The following PIK3C2A variants were observed in gnomAD, a reference collection of about 807,000 sequenced individuals.
PIK3C2A encodes phosphatidylinositol-4-phosphate 3-kinase catalytic subunit type 2 alpha.
A neutral mutation model predicts 204.5 loss-of-function variants in PIK3C2A; 97 were observed. That is an observed-to-expected ratio of 0.47 (90% confidence interval 0.40 to 0.56). PIK3C2A has a LOEUF of 0.56. Ranked by LOEUF, PIK3C2A falls within the 20% of genes least tolerant of loss-of-function variation. PIK3C2A has a pLI of 0.00. For synonymous variants in PIK3C2A, 653 were observed against 664.4 expected (o/e 0.98, Z 0.26); for missense variants, 1,735 against 1,969.2 (o/e 0.88, Z 2.25).
In PIK3C2A at chr11:17,091,371, A is replaced by T; in HGVS notation, c.4841T>A (p.Ile1614Asn). ...TGTCGGATTCCTCGTTTTTCGTGAAATTTTGGTTTTACGTTTGGATGTTTT... is the reference window on the plus strand; with the variant it reads ...TGTCGGATTCCTCGTTTTTCGTGAATTTTTGGTTTTACGTTTGGATGTTTT... ...NHKTSKRKTK[I>N]SRKTRNPTFN... Residue 1614 changes from isoleucine to asparagine, a missense_variant, in exon 32 of 33, where the codon ATT (isoleucine) becomes AAT (asparagine). Physicochemically the swap from Ile to Asn is moderately radical, Grantham distance 149. This residue lies in a region of PIK3C2A where 503 missense variants were observed against 669.0 expected (regional missense o/e 0.75). Coordinates refer to ENST00000691414, the MANE Select transcript of PIK3C2A (RefSeq NM_002645.4). 1 of 1,613,720 alleles carries T rather than the reference A, an allele frequency of 6.2e-7. No individual in the cohort carries two copies. Among genetic ancestry groups the T allele is most frequent in the Non-Finnish European group, 8.5e-7 (1 of 1,179,812 alleles).
intron 22 of PIK3C2A, among the ~76,000 whole-genome samples, chr11:17,106,755 T>C (rs1220620724): frequency 6.6e-6 from 1 of 152,164 alleles, no homozygotes; most frequent in East Asian, 1.9e-4. Flanking sequence ...AAAACTATTT[T>C]AATTACAAAC....
chr11:17,176,287 G>A (rs1255945394), intron 1 of PIK3C2A, among the ~76,000 whole-genome samples: 5 of 151,922 alleles, frequency 3.3e-5, no homozygotes, highest in Admixed American at 3.3e-4. Flanking sequence ...GATTACAGGT[G>A]TGAGCCACTG....
At chr11:17,141,261 CTCT>C (rs1170619009) in intron 8 of PIK3C2A, 2 of 148,784 alleles carry the variant, frequency 1.3e-5, no homozygotes, top group Admixed American at 1.4e-4. Context: ...TTGCTTTCTG[CTCT>C]TCTTTTCTTT....
At chr11:17,183,136 G>A (rs2096895541) in intron 1 of PIK3C2A, among the ~76,000 whole-genome samples, 2 of 152,038 alleles carry the variant, frequency 1.3e-5, no homozygotes, top group South Asian at 4.1e-4. Context: ...GAGTCACCAC[G>A]CTCTGCCTCA....
In PIK3C2A at chr11:17,147,551, G is replaced by A. The variant is rs751588184; in HGVS notation, c.1526C>T (p.Thr509Ile). 1.2e-6 allele frequency: 2 copies of A among 1,611,044 alleles called. No individual in the cohort carries two copies. Among genetic ancestry groups the A allele is most frequent in the South Asian group, 2.2e-5 (2 of 91,012 alleles). Reference protein sequence around the residue: ...WDTEIRLQLLTFSAMCQNLAR... With the variant: ...WDTEIRLQLLIFSAMCQNLAR... ...CAGATTTTGACACATTGCACTGAAGGTCAAGAGTTGTAGTCTAATTTCTGT... is the reference window on the plus strand; with the variant it reads ...CAGATTTTGACACATTGCACTGAAGATCAAGAGTTGTAGTCTAATTTCTGT... The change falls in exon 6 of 33, where the codon ACC (threonine) becomes ATC (isoleucine). Residue 509 changes from threonine to isoleucine, a missense_variant. Thr to Ile is a moderately conservative substitution (Grantham distance 89). Coordinates refer to ENST00000691414, the MANE Select transcript of PIK3C2A (RefSeq NM_002645.4).
At chr11:17,095,496 C>A (rs1044949850) in intron 27 of PIK3C2A, among the ~76,000 whole-genome samples, 3 of 149,886 alleles carry the variant, frequency 2.0e-5, no homozygotes, top group African/African-American at 7.4e-5. Context: ...GAGGCTGAGG[C>A]AGGAGAATGG....
chr11:17,139,683 C>T (rs1253478838), intron 8 of PIK3C2A, among the ~76,000 whole-genome samples: 3 of 152,188 alleles, frequency 2.0e-5, no homozygotes, highest in Admixed American at 6.5e-5. Context: ...TACAAGCCTC[C>T]GTTACATAAA....
At position 17,186,189 on chromosome 11, in the gene PIK3C2A, G is replaced by A. The variant is rs527909855; in HGVS notation, c.-65-16383C>T. 4.6e-5 allele frequency among the ~76,000 whole-genome samples: 7 copies of A among 152,112 alleles called. No homozygotes were observed. The South Asian group carries it at 1.4e-3, about 31-fold the overall frequency. ...TGGCTTAATCCCTCGCTTCCTTCAA[G>A]TCTTCATTGAAAAGGTGACACTTGT... is the stretch of plus-strand genomic sequence containing the variant. On this transcript the variant is annotated intron_variant, in intron 1 of 32. Transcript: ENST00000691414.
At chr11:17,154,683 T>C (rs1267830229) in intron 3 of PIK3C2A, among the ~76,000 whole-genome samples, 2 of 152,036 alleles carry the variant, frequency 1.3e-5, no homozygotes, top group East Asian at 1.9e-4. Context: ...ACTGAGACCA[T>C]TAAATTGCAT....
chr11:17,147,052 C>CT (rs35204589), intron 6 of PIK3C2A, among the ~76,000 whole-genome samples: 44 of 149,476 alleles, frequency 2.9e-4, no homozygotes, highest in East Asian at 2.1e-3. Context: ...ATTGAAAGCA[C>CT]TTTTTTTTTT....
chr11:17,194,500 CTG>C (rs1165012171), intron 1 of PIK3C2A: 20 of 154,514 alleles, frequency 1.3e-4, no homozygotes, highest in African/African-American at 4.8e-4. Context: ...AAAAGAAAAA[CTG>C]AGTTTCTGCC....
At chr11:17,185,286 AAT>A (rs1464319642) in intron 1 of PIK3C2A, among the ~76,000 whole-genome samples, 1 of 152,236 alleles carries the variant, frequency 6.6e-6, no homozygotes, top group East Asian at 1.9e-4. Flanking sequence ...TATGTACAGC[AAT>A]ATGTCATAAA....
chr11:17,175,975 A>G (rs1193180029), intron 1 of PIK3C2A, among the ~76,000 whole-genome samples: 2 of 150,220 alleles, frequency 1.3e-5, no homozygotes, highest in Non-Finnish European at 2.9e-5. Flanking sequence ...CTTAAAGGAA[A>G]ATAAATTAGG....
At chr11:17,127,369 C>T (rs960566366) in intron 13 of PIK3C2A, among the ~76,000 whole-genome samples, 6 of 151,844 alleles carry the variant, frequency 4.0e-5, no homozygotes, top group African/African-American at 7.3e-5. Flanking sequence ...AGTCCAGTGG[C>T]GCAGTCTTGA....
chr11:17,142,426 A>G (rs535150660), intron 8 of PIK3C2A, among the ~76,000 whole-genome samples: 1 of 152,312 alleles, frequency 6.6e-6, no homozygotes, highest in South Asian at 2.1e-4. Context: ...GCTAATGGAA[A>G]TAAGGAAAGC....
At chr11:17,113,092 A>G (rs1849052470) in intron 20 of PIK3C2A, among the ~76,000 whole-genome samples, 1 of 151,890 alleles carries the variant, frequency 6.6e-6, no homozygotes, top group Non-Finnish European at 1.5e-5. Flanking sequence ...GCTCACTGCA[A>G]TCTCTGCCTC....
intron 18 of PIK3C2A, among the ~76,000 whole-genome samples, chr11:17,117,959 C>T (rs1476577259): frequency 6.6e-6 from 1 of 152,042 alleles, no homozygotes; most frequent in Non-Finnish European, 1.5e-5. Context: ...GTGATCCGCC[C>T]ACTTCGGCCT....
intron 8 of PIK3C2A, among the ~76,000 whole-genome samples, chr11:17,140,892 A>C (rs1850042273): frequency 6.6e-6 from 1 of 152,252 alleles, no homozygotes; most frequent in Non-Finnish European, 1.5e-5. Context: ...TGGTGAGTAA[A>C]GAAATCTCTG....
At chr11:17,180,181 T>C (rs938740315) in intron 1 of PIK3C2A, among the ~76,000 whole-genome samples, 1 of 152,124 alleles carries the variant, frequency 6.6e-6, no homozygotes, top group Non-Finnish European at 1.5e-5. Context: ...GAACCAAGCC[T>C]GGGCAATGTG....
Sources: allele counts gnomAD v4.1 joint callset (sites outside exome capture counted in the v4.1 genomes callset), GRCh38; gene constraint gnomAD v4.1.1; regional missense constraint gnomAD v4.1.1; transcripts MANE v1.5; gene names NCBI Gene and HGNC (gene_info 2026-07-23, HGNC 2026-07-21).